Variants in ZNF33A observed in about 807,000 individuals in gnomAD.
The protein encoded by ZNF33A is brain my041 protein.
A neutral mutation model predicts 15.9 loss-of-function variants in ZNF33A; 9 were observed. That is an observed-to-expected ratio of 0.57 (90% CI 0.34 to 0.99). The LOEUF (loss-of-function observed/expected upper bound fraction) is 0.99, where lower values mean the gene tolerates loss of function less well. Ranked by LOEUF, ZNF33A falls within the 50% of genes least tolerant of loss-of-function variation. The pLI is 0.02. For synonymous variants in ZNF33A, 294 were observed against 324.2 expected (o/e 0.91, Z 1.00); for missense variants, 843 against 941.6 (o/e 0.90, Z 1.37).
rs1451344278 is a variant in ZNF33A at position 38,029,665 on chromosome 10, CA to C, written c.250+12281del. On this transcript the variant is annotated intron_variant, in intron 4 of 4. Transcript: ENST00000432900. Reference sequence around the variant, plus strand: ...GGACCTGTTGTCCACTCAAGAACAACAACAAAATGAGATCTGCAAAGAAACG... The same window carrying C: ...GGACCTGTTGTCCACTCAAGAACAACACAAAATGAGATCTGCAAAGAAACG... Among the ~76,000 whole-genome samples, 4 of 152,184 alleles carry C rather than the reference CA, an allele frequency of 2.6e-5. No homozygotes were observed. In the East Asian group the frequency reaches 7.7e-4, roughly 29 times the overall value.
chr10:38,020,960 T>C (rs2064710001), intron 4 of ZNF33A, among the ~76,000 whole-genome samples: 1 of 152,206 alleles, frequency 6.6e-6, no homozygotes, highest in Non-Finnish European at 1.5e-5. Context: ...CTGTAAGTGC[T>C]CACCTGACTT....
intron 1 of ZNF33A, 34 bp downstream of exon 1, chr10:38,010,817 G>A (rs2064133785): frequency 6.3e-7 from 1 of 1,596,546 alleles, no homozygotes; most frequent in Non-Finnish European, 8.5e-7. Flanking sequence ...GGAGAGAGAG[G>A]GAGCCCCGCG....
intron 1 of ZNF33A, 148 bp downstream of exon 1, chr10:38,010,931 C>T: frequency 1.0e-6 from 1 of 961,240 alleles, no homozygotes; most frequent in Admixed American, 2.5e-5. Context: ...GCGTGTGGGC[C>T]ACGACGCTAG....
chr10:38,018,601 T>C (rs1023674834), intron 4 of ZNF33A, among the ~76,000 whole-genome samples: 2 of 152,212 alleles, frequency 1.3e-5, no homozygotes, highest in African/African-American at 4.8e-5. Flanking sequence ...AGAGAAAATA[T>C]TGGGCATGGC....
chr10:38,062,159 C>G (rs2066662061), downstream of ZNF33A, among the ~76,000 whole-genome samples: 1 of 152,090 alleles, frequency 6.6e-6, no homozygotes, highest in Non-Finnish European at 1.5e-5. Flanking sequence ...AGTGTCACTC[C>G]CCTCAAGAGG....
intron 4 of ZNF33A, among the ~76,000 whole-genome samples, chr10:38,035,111 CTT>C (rs71007683): frequency 1.9e-4 from 16 of 85,780 alleles, no homozygotes; most frequent in South Asian, 5.3e-4. Context: ...CATTTACTTT[CTT>C]TTTTTTTTTT....
intron 4 of ZNF33A, among the ~76,000 whole-genome samples, chr10:38,044,253 G>A (rs2065852747): frequency 6.7e-6 from 1 of 148,978 alleles, no homozygotes; most frequent in South Asian, 2.1e-4. Context: ...TGTTGCCCAG[G>A]CTGGAGTGCA....
intron 4 of ZNF33A, among the ~76,000 whole-genome samples, chr10:38,039,943 T>G (rs1207400591): frequency 6.6e-6 from 1 of 151,688 alleles, no homozygotes; most frequent in Admixed American, 6.6e-5. Context: ...CCTGTCCAAG[T>G]GTTTTAAGGT....
downstream of ZNF33A, among the ~76,000 whole-genome samples, chr10:38,063,803 G>T (rs1206874215): frequency 3.9e-5 from 6 of 152,160 alleles, no homozygotes; most frequent in African/African-American, 1.4e-4. Context: ...AGTGAAGTGT[G>T]GATGTGTCTC....
At chr10:38,049,190 AG>A (rs1314361009) in intron 4 of ZNF33A, among the ~76,000 whole-genome samples, 2 of 152,192 alleles carry the variant, frequency 1.3e-5, no homozygotes, top group Non-Finnish European at 2.9e-5. Context: ...TCTTCAAAGA[AG>A]AGTTCAAAGG....
chr10:38,028,245 G>A (rs1424873385), intron 4 of ZNF33A, among the ~76,000 whole-genome samples: 1 of 152,056 alleles, frequency 6.6e-6, no homozygotes, highest in African/African-American at 2.4e-5. Flanking sequence ...TCCAGCCTAG[G>A]TGACAGAGCA....
intron 4 of ZNF33A, among the ~76,000 whole-genome samples, chr10:38,051,460 T>G (rs2135744473): frequency 6.6e-6 from 1 of 152,240 alleles, no homozygotes; most frequent in African/African-American, 2.4e-5. Flanking sequence ...CAAAAATTAC[T>G]TACCATGCAT....
chr10:38,016,882 G>A lies in ZNF33A; in HGVS notation c.21G>A (p.Lys7=), dbSNP rs1407474908. The A allele has an allele frequency of 6.2e-7, 1 of 1,613,768 alleles. No homozygotes were observed. Among genetic ancestry groups the A allele is most frequent in the Admixed American group, 1.7e-5 (1 of 59,872 alleles). MNKVEQ[K]SQESVSFKDV... ...TCTGAATGTTTCAGGTAGAACAGAA[G>A]TCCCAGGAGTCAGTATCATTTAAAG... Residue 7 remains lysine, a synonymous_variant, in exon 3 of 5, where the codon AAG becomes AAA. Coordinates refer to ENST00000432900, the MANE Select transcript of ZNF33A (RefSeq NM_006954.2).
At chr10:38,024,816 T>G (rs1175898973) in intron 4 of ZNF33A, among the ~76,000 whole-genome samples, 1 of 152,226 alleles carries the variant, frequency 6.6e-6, no homozygotes, top group Non-Finnish European at 1.5e-5. Context: ...GTGAGTAGCA[T>G]GATGAAATTT....
At chr10:38,017,249 T>C in intron 3 of ZNF33A, 42 bp from the exon 4 acceptor site, 1 of 1,588,264 alleles carries the variant, frequency 6.3e-7, no homozygotes, top group Non-Finnish European at 8.6e-7. Context: ...GCCTGAAGTC[T>C]AGACTGCTTG....
At chr10:38,031,818 C>T (rs1184601759) in intron 4 of ZNF33A, among the ~76,000 whole-genome samples, 1 of 151,828 alleles carries the variant, frequency 6.6e-6, no homozygotes, top group Non-Finnish European at 1.5e-5. Context: ...AAAAAATTAG[C>T]CAGGCGTGAT....
Position 38,055,500 on chromosome 10 carries a change from A to C in ZNF33A, c.1376A>C (p.His459Pro), listed in dbSNP as rs766865582. The change falls in exon 5 of 5, where the codon CAC becomes CCC. Residue 459 changes from histidine (H) to proline (P), a missense_variant. Transcript: ENST00000432900. ...SFRVTSHLKVHQRTHTGEKPF... is the reference protein window; with the variant it reads ...SFRVTSHLKVPQRTHTGEKPF... ...CGTGTGACTTCGCACCTTAAAGTAC[A>C]CCAGAGAACTCACACAGGTGAGAAA... The C allele has an allele frequency of 6.2e-7, 1 of 1,614,078 alleles. No individual in the cohort carries two copies. The highest frequency in any genetic ancestry group is 1.7e-5 in the Admixed American group (1 of 60,000).
intron 2 of ZNF33A, among the ~76,000 whole-genome samples, chr10:38,013,162 G>C (rs2064275259): frequency 6.6e-6 from 1 of 152,056 alleles, no homozygotes; most frequent in Admixed American, 6.5e-5. Context: ...CCATTCTGGA[G>C]TACAGTGGCG....
intron 4 of ZNF33A, among the ~76,000 whole-genome samples, chr10:38,049,909 T>C (rs2066121576): frequency 6.6e-6 from 1 of 152,202 alleles, no homozygotes; most frequent in Non-Finnish European, 1.5e-5. Flanking sequence ...CTGAAGATTC[T>C]GTGAGGAAGT....
Sources: allele counts gnomAD v4.1 joint callset (sites outside exome capture counted in the v4.1 genomes callset), GRCh38; gene constraint gnomAD v4.1.1; transcripts MANE v1.5; gene names NCBI Gene and HGNC (gene_info 2026-07-23, HGNC 2026-07-21).